RBFOX1: variants seen among roughly 807,000 people sequenced by gnomAD.
RBFOX1 encodes the protein RNA binding protein fox-1 homolog 1.
RBFOX1 carries 8 observed loss-of-function variants against 57.7 expected under a neutral mutation model. The ratio of observed to expected loss-of-function variants is 0.14; its 90% CI spans 0.08 to 0.25. The LOEUF (loss-of-function observed/expected upper bound fraction) is 0.25, where lower values mean the gene tolerates loss of function less well. RBFOX1 is among the 10% of genes least tolerant of loss of function. The pLI is 1.00. For missense variants in RBFOX1, 611 were observed against 548.5 expected, an observed-to-expected ratio of 1.11 and a Z score of -1.14; for synonymous variants, 326 against 222.4, an observed-to-expected ratio of 1.47 and a Z score of -4.15.
intron 14 of RBFOX1, among the ~76,000 whole-genome samples, chr16:7,685,872 C>T (rs944726139): frequency 6.6e-5 from 10 of 152,002 alleles, no homozygotes; most frequent in African/African-American, 2.4e-4. Context: ...CTGATATAGA[C>T]ATGCACTAGC....
At chr16:7,487,534 A>T (rs1300618934) in intron 4 of RBFOX1, among the ~76,000 whole-genome samples, 1 of 152,186 alleles carries the variant, frequency 6.6e-6, no homozygotes, top group Non-Finnish European at 1.5e-5. Flanking sequence ...ACATTCCTTA[A>T]AGTGGGAATG....
chr16:6,025,392 T>C (rs984458688), intron 1 of RBFOX1, among the ~76,000 whole-genome samples: 2 of 152,220 alleles, frequency 1.3e-5, no homozygotes, highest in African/African-American at 4.8e-5. Flanking sequence ...CATTTTCCAG[T>C]AATGTTCTTT....
intron 3 of RBFOX1, among the ~76,000 whole-genome samples, chr16:6,892,597 G>A (rs1411322565): frequency 1.3e-5 from 2 of 152,142 alleles, no homozygotes; most frequent in African/African-American, 4.8e-5. Flanking sequence ...TTGAACCTGG[G>A]AAATGGAAGT....
At chr16:7,599,895 C>T (rs1476570477) in intron 9 of RBFOX1, among the ~76,000 whole-genome samples, 4 of 151,808 alleles carry the variant, frequency 2.6e-5, no homozygotes. Context: ...TCTTGGCCTC[C>T]AAAAATGCTA....
At position 6,484,771 on chromosome 16, in the gene RBFOX1, C is replaced by A. The variant is rs138867640; in HGVS notation, c.-64+167714C>A. On this transcript the variant is annotated intron_variant, in intron 2 of 15. Coordinates refer to ENST00000550418, the MANE Select transcript of RBFOX1 (RefSeq NM_018723.4). ...TCCAAAAGTTTTGTTGGCAGTGTCA[C>A]CTTAGTAAAACGTTATGAAATTATT... Among the ~76,000 whole-genome samples, 62 of 152,232 alleles carry A rather than the reference C, an allele frequency of 4.1e-4. 1 individual carries two copies. Among genetic ancestry groups the A allele is most frequent in the African/African-American group, 1.2e-3 (49 of 41,528 alleles).
chr16:6,287,411 A>G (rs146830716), intron 1 of RBFOX1, among the ~76,000 whole-genome samples: 99 of 152,244 alleles, frequency 6.5e-4, no homozygotes, highest in African/African-American at 2.3e-3. Context: ...GTTTGCCAAT[A>G]TGATATTTAT....
At position 7,189,382 on chromosome 16, in the gene RBFOX1, C is replaced by T. The variant is rs978434836; in HGVS notation, c.27+137284C>T. Among the ~76,000 whole-genome samples the T allele has an allele frequency of 5.6e-5, 8 of 143,580 alleles. No homozygotes were observed. In the South Asian group the frequency reaches 9.0e-4, roughly 16 times the overall value. 94.2% of individuals were successfully genotyped at this position (143,580 alleles called of 152,430 possible). On this transcript the variant is annotated intron_variant, in intron 4 of 15. Transcript: ENST00000550418. Reference sequence around the variant, plus strand: ...TGGAGCTTGCAGTGAGCTGAGATCGCGCCACTGCACTCCAGCCTGGGCGAC... The same window carrying T: ...TGGAGCTTGCAGTGAGCTGAGATCGTGCCACTGCACTCCAGCCTGGGCGAC...
intron 3 of RBFOX1, among the ~76,000 whole-genome samples, chr16:6,843,965 C>G (rs141417316): frequency 4.6e-5 from 7 of 152,104 alleles, no homozygotes; most frequent in Non-Finnish European, 1.0e-4. Flanking sequence ...TTGCTTGGAT[C>G]GTAATGTGTA....
chr16:7,693,479 G>GA (rs199635596), intron 14 of RBFOX1: 45,321 of 474,416 alleles, frequency 0.096, 1 homozygote, highest in East Asian at 0.13. Context: ...GTTTAGTTAA[G>GA]AAAAAAAAAA....
At chr16:7,544,548 T>G (rs2083873916) in intron 5 of RBFOX1, among the ~76,000 whole-genome samples, 1 of 152,124 alleles carries the variant, frequency 6.6e-6, no homozygotes, top group East Asian at 1.9e-4. Context: ...AAAGACAGAT[T>G]GGACTAATAC....
chr16:5,902,790 G>C (rs1041883673), intron 4 of RBFOX1, among the ~76,000 whole-genome samples: 8 of 151,944 alleles, frequency 5.3e-5, no homozygotes, highest in Non-Finnish European at 1.2e-4. Context: ...GATTCCAAGC[G>C]CCTTGTCTGG....
chr16:6,112,406 C>T (rs772201716), intron 1 of RBFOX1, among the ~76,000 whole-genome samples: 2 of 152,006 alleles, frequency 1.3e-5, no homozygotes, highest in African/African-American at 4.8e-5. Context: ...TAAAGAAGTC[C>T]GAGGCTGGGC....
At chr16:7,198,896 T>G (rs2087513398) in intron 4 of RBFOX1, among the ~76,000 whole-genome samples, 1 of 152,154 alleles carries the variant, frequency 6.6e-6, no homozygotes, top group South Asian at 2.1e-4. Context: ...TCCCAGGCAA[T>G]GAGTTGGCTG....
chr16:6,915,648 T>C (rs1466286422), intron 3 of RBFOX1, among the ~76,000 whole-genome samples: 1 of 149,928 alleles, frequency 6.7e-6, no homozygotes, highest in Admixed American at 6.7e-5. Context: ...CCTCTCGGGT[T>C]CAAGTGATCC....
At chr16:5,682,061 C>G (rs1373171900) in intron 3 of RBFOX1, among the ~76,000 whole-genome samples, 1 of 152,132 alleles carries the variant, frequency 6.6e-6, no homozygotes, top group African/African-American at 2.4e-5. Context: ...GTCTCTGGGG[C>G]TGTGATACAT....
chr16:6,900,995 G>C (rs1270349475), intron 3 of RBFOX1, among the ~76,000 whole-genome samples: 2 of 152,162 alleles, frequency 1.3e-5, no homozygotes, highest in Non-Finnish European at 2.9e-5. Flanking sequence ...ATTAGAACTA[G>C]AAAGACTTCC....
Position 7,539,773 on chromosome 16 carries a change from A to G in RBFOX1, c.270+21384A>G, listed in dbSNP as rs552662776. Among the ~76,000 whole-genome samples the G allele has an allele frequency of 5.1e-4, 78 of 152,324 alleles. 1 individual carries two copies. Among genetic ancestry groups the G allele is most frequent in the Middle Eastern group, 3.4e-3 (1 of 294 alleles). On this transcript the variant is annotated intron_variant, in intron 5 of 15. Transcript: ENST00000550418. The stretch of plus-strand genomic sequence containing the variant: ...GCTTCTGCCCTCCCCAGTGAACTTC[A>G]GATGAGGCTTGGGAGATGAAAGACG...
intron 2 of RBFOX1, among the ~76,000 whole-genome samples, chr16:6,465,598 CTGTGTGTGTGTG>C (rs56131263): frequency 9.0e-5 from 13 of 145,062 alleles, no homozygotes; most frequent in African/African-American, 2.3e-4. Context: ...ATGTATAGGG[CTGTGTGTGTGTG>C]TGTGTGTGTG....
chr16:7,569,970 G>A (rs558307421), intron 5 of RBFOX1, among the ~76,000 whole-genome samples: 81 of 152,214 alleles, frequency 5.3e-4, no homozygotes, highest in African/African-American at 1.7e-3. Context: ...TCCTTCACAT[G>A]TCATTTTTTC....
Sources: gnomAD v4.1 joint callset for allele counts (sites outside exome capture counted in the v4.1 genomes callset) on GRCh38, gnomAD v4.1.1 for gene constraint, MANE v1.5 for transcripts, NCBI Gene and HGNC (gene_info 2026-07-23, HGNC 2026-07-21) for gene names.